Variants in ATP13A4 observed in about 807,000 individuals in gnomAD.
ATP13A4 encodes the protein probable cation-transporting ATPase 13A4.
ATP13A4 carries 114 observed loss-of-function variants against 142.5 expected under a neutral mutation model. The ratio of observed to expected loss-of-function variants is 0.80; its 90% CI spans 0.69 to 0.93. ATP13A4 has a LOEUF of 0.93. Ranked by LOEUF, ATP13A4 falls within the 40% of genes least tolerant of loss-of-function variation. The pLI is 0.00. For missense variants in ATP13A4, 1,392 were observed against 1,454.0 expected (o/e 0.96, Z 0.69); for synonymous variants, 488 against 514.8 (o/e 0.95, Z 0.70).
intron 25 of ATP13A4, among the ~76,000 whole-genome samples, chr3:193,429,010 T>A (rs1299042945): frequency 6.6e-6 from 1 of 151,926 alleles, no homozygotes. Flanking sequence ...AATAAACATT[T>A]CTCCAAAGAA....
chr3:193,435,463 A>G (rs62285714), intron 24 of ATP13A4, among the ~76,000 whole-genome samples, 185 bp downstream of exon 24: 8,155 of 152,254 alleles, frequency 0.054, 289 homozygotes, highest in South Asian at 0.14. Flanking sequence ...TGACATCAGC[A>G]ACTTTTCCTG....
chr3:193,592,814 G>C (rs1336598967), intron 1 of ATP13A4, among the ~76,000 whole-genome samples: 1 of 152,200 alleles, frequency 6.6e-6, no homozygotes, highest in Non-Finnish European at 1.5e-5. Flanking sequence ...GCCCAAGAAA[G>C]AAGGTAGGCA....
At chr3:193,472,260 A>C (rs1184813864) in intron 8 of ATP13A4, among the ~76,000 whole-genome samples, 2 of 152,220 alleles carry the variant, frequency 1.3e-5, no homozygotes, top group Non-Finnish European at 2.9e-5. Flanking sequence ...CACCATTCTG[A>C]GTAGTGATTA....
chr3:193,552,049 C>T (rs369664817), intron 1 of ATP13A4, among the ~76,000 whole-genome samples: 44 of 152,354 alleles, frequency 2.9e-4, no homozygotes, highest in African/African-American at 1.0e-3. Context: ...TCTTGGCTCA[C>T]TGCAACCTCT....
At chr3:193,505,992 G>A (rs910237131) in intron 2 of ATP13A4, among the ~76,000 whole-genome samples, 8 of 152,318 alleles carry the variant, frequency 5.3e-5, no homozygotes, top group African/African-American at 1.9e-4. Flanking sequence ...TACATAATGT[G>A]TCTGATCTAA....
At chr3:193,585,883 A>G (rs1388543540) in intron 1 of ATP13A4, among the ~76,000 whole-genome samples, 1 of 152,164 alleles carries the variant, frequency 6.6e-6, no homozygotes, top group Non-Finnish European at 1.5e-5. Flanking sequence ...GGGGAAGTGT[A>G]TATTTAACTT....
At chr3:193,525,432 A>T (rs1042188220) in intron 1 of ATP13A4, among the ~76,000 whole-genome samples, 2 of 152,208 alleles carry the variant, frequency 1.3e-5, no homozygotes, top group Non-Finnish European at 2.9e-5. Flanking sequence ...CAGTATTATT[A>T]TTTCCCTTTA....
At chr3:193,554,608 T>C (rs1723785484) in intron 1 of ATP13A4, 132 bp downstream of exon 1, 1 of 1,162,616 alleles carries the variant, frequency 8.6e-7, no homozygotes, top group African/African-American at 1.5e-5. Flanking sequence ...TCTCGTGTAA[T>C]ACCAGAGTGA....
Position 193,457,134 on chromosome 3 carries a change from G to A in ATP13A4, c.1781C>T (p.Ala594Val), listed in dbSNP as rs749044783. 1.9e-6 allele frequency: 3 copies of A among 1,613,086 alleles called. No individual in the cohort carries two copies. In the Admixed American group the frequency reaches 5.0e-5, roughly 27 times the overall value. Residue 594 changes from alanine (A) to valine (V), a missense_variant, in exon 16 of 30, where the codon GCA (alanine) becomes GTA (valine). Physicochemically the swap from Ala to Val is moderately conservative, Grantham distance 64 (BLOSUM62 0). Coordinates refer to ENST00000342695, the MANE Select transcript of ATP13A4 (RefSeq NM_032279.4). Reference sequence around the variant, plus strand: ...TGAGAATGGGAACTGATGCAGGATTGCAATTCCTTCCACTGGGACCTGGTT... The same window carrying A: ...TGAGAATGGGAACTGATGCAGGATTACAATTCCTTCCACTGGGACCTGGTT... Reference protein sequence around the residue: ...TASQVPVEGIAILHQFPFSSA... With the variant: ...TASQVPVEGIVILHQFPFSSA...
At chr3:193,468,284 A>G (rs1718422447) in intron 9 of ATP13A4, among the ~76,000 whole-genome samples, 1 of 152,254 alleles carries the variant, frequency 6.6e-6, no homozygotes, top group Non-Finnish European at 1.5e-5. Flanking sequence ...ATATTTATGT[A>G]TAAGAGAGAG....
In ATP13A4 at chr3:193,415,760, A is replaced by T. The variant is rs530118465; in HGVS notation, c.2843-1010T>A. Reference sequence around the variant, plus strand: ...AAATGCAGTTGCCTAGGGCAAAAAAATTACAGTTGATACATAAAATAACCA... The same window carrying T: ...AAATGCAGTTGCCTAGGGCAAAAAATTTACAGTTGATACATAAAATAACCA... On this transcript the variant is annotated intron_variant, in intron 25 of 29. Coordinates refer to ENST00000342695, the MANE Select transcript of ATP13A4 (RefSeq NM_032279.4). Among the ~76,000 whole-genome samples the T allele has an allele frequency of 9.2e-5, 14 of 152,362 alleles. 1 individual carries two copies. In the East Asian group the frequency reaches 2.7e-3, roughly 29 times the overall value.
intron 1 of ATP13A4, among the ~76,000 whole-genome samples, chr3:193,523,450 G>A (rs1375855405): frequency 6.6e-6 from 1 of 152,190 alleles, no homozygotes; most frequent in African/African-American, 2.4e-5. Flanking sequence ...CTGACCTCTA[G>A]GGAAAGGAAA....
intron 17 of ATP13A4, 84 bp from the exon 18 acceptor site, chr3:193,448,414 C>T: frequency 6.5e-7 from 1 of 1,545,660 alleles, no homozygotes; most frequent in Non-Finnish European, 8.8e-7. Flanking sequence ...CTCTGTCATC[C>T]AGGCTGGAGG....
chr3:193,557,035 G>A (rs1723916568), upstream of ATP13A4, among the ~76,000 whole-genome samples: 1 of 152,170 alleles, frequency 6.6e-6, no homozygotes, highest in Non-Finnish European at 1.5e-5. Context: ...CTGGGTTCCT[G>A]AATGCACTTG....
chr3:193,499,863 T>A (rs1427392902), intron 3 of ATP13A4, among the ~76,000 whole-genome samples: 1 of 152,194 alleles, frequency 6.6e-6, no homozygotes, highest in East Asian at 1.9e-4. Context: ...CATCTGTAGA[T>A]GAACGCAGCA....
chr3:193,518,153 T>C (rs1466902486), intron 1 of ATP13A4, among the ~76,000 whole-genome samples: 12 of 152,204 alleles, frequency 7.9e-5, no homozygotes, highest in Non-Finnish European at 1.3e-4. Flanking sequence ...ATTCTTGCAC[T>C]GCAGTAATCA....
chr3:193,491,512 A>G (rs1012520603), intron 5 of ATP13A4, 114 bp from the exon 6 acceptor site: 261 of 808,760 alleles, frequency 3.2e-4, no homozygotes, highest in Non-Finnish European at 9.0e-5. Flanking sequence ...TGAGACCAAC[A>G]TAAGTCTCCC....
At chr3:193,441,413 A>G in intron 20 of ATP13A4, 53 bp downstream of exon 20, 2 of 1,603,256 alleles carry the variant, frequency 1.2e-6, no homozygotes, top group South Asian at 2.2e-5. Flanking sequence ...CATGTTCTGT[A>G]AGTGACATCA....
intron 6 of ATP13A4, among the ~76,000 whole-genome samples, chr3:193,490,529 C>T (rs1004237551): frequency 3.2e-4 from 49 of 152,254 alleles, no homozygotes; most frequent in African/African-American, 1.1e-3. Flanking sequence ...GAACACTGTG[C>T]GAGAGAGTAG....
Sources: allele counts gnomAD v4.1 joint callset (sites outside exome capture counted in the v4.1 genomes callset), GRCh38; gene constraint gnomAD v4.1.1; transcripts MANE v1.5; gene names NCBI Gene and HGNC (gene_info 2026-07-23, HGNC 2026-07-21).